PPP2R2C: variants seen among roughly 807,000 people sequenced by gnomAD.
PPP2R2C encodes protein phosphatase 2, regulatory subunit B, gamma.
A neutral mutation model predicts 45.3 loss-of-function variants in PPP2R2C; 10 were observed. That is an observed-to-expected ratio of 0.22 (90% CI 0.14 to 0.37). PPP2R2C has a LOEUF of 0.37. PPP2R2C is among the 10% of genes least tolerant of loss of function. The pLI is 1.00. For synonymous variants in PPP2R2C, 257 were observed against 245.4 expected (o/e 1.05, Z -0.44); for missense variants, 308 against 619.7 (o/e 0.50, Z 5.34).
intron 1 of PPP2R2C, among the ~76,000 whole-genome samples, chr4:6,541,702 C>T (rs1000872498): frequency 7.9e-5 from 12 of 152,170 alleles, no homozygotes; most frequent in African/African-American, 1.9e-4. Flanking sequence ...CCTGCCATCA[C>T]GCTCAGCTAA....
At chr4:6,562,068 C>T (rs927067278) in intron 1 of PPP2R2C, among the ~76,000 whole-genome samples, 4 of 152,138 alleles carry the variant, frequency 2.6e-5, no homozygotes, top group East Asian at 1.9e-4. Flanking sequence ...CCCAGGTGGG[C>T]GGAAACCCTC....
intron 2 of PPP2R2C, among the ~76,000 whole-genome samples, chr4:6,487,107 A>C (rs543698431): frequency 6.6e-6 from 1 of 152,184 alleles, no homozygotes; most frequent in Admixed American, 6.5e-5. Flanking sequence ...ATAGATTAAG[A>C]TACTTATACT....
chr4:6,388,738 G>A (rs1415935425), intron 1 of PPP2R2C, among the ~76,000 whole-genome samples: 1 of 152,150 alleles, frequency 6.6e-6, no homozygotes, highest in African/African-American at 2.4e-5. Context: ...AGAAGCTGGT[G>A]GGGAGGCCTG....
intron 2 of PPP2R2C, among the ~76,000 whole-genome samples, chr4:6,490,274 C>A (rs974750629): frequency 3.3e-5 from 5 of 152,216 alleles, no homozygotes; most frequent in Non-Finnish European, 5.9e-5. Flanking sequence ...TATAAAGGGA[C>A]TGCAGGGAAT....
In PPP2R2C at chr4:6,424,656, G is replaced by A. The variant is rs148812595; in HGVS notation, c.71-43562C>T. On this transcript the variant is annotated intron_variant, in intron 1 of 8. Transcript: ENST00000382599. ...GCGGCTGTGGTGTGCCTGCTGAACAGCTGCTGGGGTTTGACAAAGTGAGGG... is the reference window on the plus strand; with the variant it reads ...GCGGCTGTGGTGTGCCTGCTGAACAACTGCTGGGGTTTGACAAAGTGAGGG... 4.1e-3 allele frequency among the ~76,000 whole-genome samples: 623 copies of A among 152,320 alleles called. 3 individuals are homozygous for A. The highest frequency in any genetic ancestry group is 0.014 in the African/African-American group (586 of 41,564).
chr4:6,413,931 C>G (rs974106989), intron 1 of PPP2R2C: 5 of 1,535,996 alleles, frequency 3.3e-6, no homozygotes, highest in Non-Finnish European at 3.5e-6. Flanking sequence ...TCAGCGTCTT[C>G]GTTATACTCA....
chr4:6,472,381 C>T lies in PPP2R2C; in HGVS notation c.-152G>A. 8 of 753,160 alleles carry T rather than the reference C, an allele frequency of 1.1e-5. No homozygotes were observed. The highest frequency in any genetic ancestry group is 1.3e-5 in the Non-Finnish European group (8 of 615,476). 46.7% of individuals were successfully genotyped at this position (753,160 alleles called of 1,614,324 possible). The stretch of plus-strand genomic sequence containing the variant: ...AAGGGAGGGCATCGCGGCAGGGGGA[C>T]GGGCGGGGGCGGCCGGGGGCGGGCG... On this transcript the variant is annotated 5_prime_UTR_variant, in exon 1 of 9. Transcript: ENST00000382599.
At chr4:6,418,034 G>T (rs927511665) in intron 1 of PPP2R2C, among the ~76,000 whole-genome samples, 3 of 152,172 alleles carry the variant, frequency 2.0e-5, no homozygotes, top group African/African-American at 7.2e-5. Flanking sequence ...ACTGGGTTGG[G>T]GTCCTCATTC....
intron 1 of PPP2R2C, among the ~76,000 whole-genome samples, chr4:6,542,923 A>T (rs1577249504): frequency 6.6e-6 from 1 of 152,362 alleles, no homozygotes; most frequent in Admixed American, 6.5e-5. Context: ...ATATATTAGA[A>T]GGACAAAATT....
At position 6,534,163 on chromosome 4, in the gene PPP2R2C, CACACACACATCA is replaced by C. The variant is rs375894980; in HGVS notation, c.49+1096_49+1107del. Among the ~76,000 whole-genome samples, 625 of 150,294 alleles carry C rather than the reference CACACACACATCA, an allele frequency of 4.2e-3. 3 individuals are homozygous for C. Among genetic ancestry groups the C allele is most frequent in the Middle Eastern group, 0.018 (5 of 276 alleles). On this transcript the variant is annotated intron_variant, in intron 2 of 9. Transcript: ENST00000506140. ...ACACACACCAACATACACACACCAA[CACACACACATCA>C]ACACACACATCAACACATACAACAC...
At chr4:6,417,635 A>G (rs1718681427) in intron 1 of PPP2R2C, among the ~76,000 whole-genome samples, 2 of 152,154 alleles carry the variant, frequency 1.3e-5, no homozygotes, top group South Asian at 4.1e-4. Flanking sequence ...TCTCCTGCTG[A>G]GGCTTTCGGG....
intron 2 of PPP2R2C, among the ~76,000 whole-genome samples, chr4:6,531,189 C>T (rs1364692085): frequency 6.6e-6 from 1 of 152,228 alleles, no homozygotes; most frequent in Non-Finnish European, 1.5e-5. Flanking sequence ...CACCGCTCTC[C>T]AGGGCAGTGT....
chr4:6,419,774 G>C (rs1718845540), intron 1 of PPP2R2C, among the ~76,000 whole-genome samples: 1 of 152,156 alleles, frequency 6.6e-6, no homozygotes, highest in South Asian at 2.1e-4. Flanking sequence ...AGCTCTGAGG[G>C]AGGAGCCGCT....
At chr4:6,531,587 T>TA (rs1724404710) in intron 2 of PPP2R2C, among the ~76,000 whole-genome samples, 2 of 151,210 alleles carry the variant, frequency 1.3e-5, no homozygotes, top group Admixed American at 6.6e-5. Flanking sequence ...GGCTAACACT[T>TA]ATGGAGCACC....
chr4:6,329,830 G>A lies in PPP2R2C; in HGVS notation c.961-477C>T, dbSNP rs1732265909. On this transcript the variant is annotated intron_variant, in intron 7 of 8. Transcript: ENST00000382599. The surrounding 1 kb of genome is among the most constrained non-coding windows in gnomAD (Gnocchi z 5.8). ...TCCAGATCCTGGCTCTGCCCTCCCAGCTGTGTGATCTTGGACAAGTGATTT... is the reference window on the plus strand; with the variant it reads ...TCCAGATCCTGGCTCTGCCCTCCCAACTGTGTGATCTTGGACAAGTGATTT... Among the ~76,000 whole-genome samples the A allele has an allele frequency of 6.6e-6, 1 of 152,232 alleles. No homozygotes were observed. The highest frequency in any genetic ancestry group is 6.5e-5 in the Admixed American group (1 of 15,288).
At chr4:6,537,549 TTG>T (rs1338517230) in intron 1 of PPP2R2C, among the ~76,000 whole-genome samples, 10 of 144,614 alleles carry the variant, frequency 6.9e-5, no homozygotes, top group African/African-American at 2.3e-4. Flanking sequence ...TGAAGATTTT[TTG>T]TTTTTTTTTT....
rs1165146712 is a variant in PPP2R2C, at chr4:6,401,358, T to C, written c.71-20264A>G. Among the ~76,000 whole-genome samples, 5 of 152,260 alleles carry C rather than the reference T, an allele frequency of 3.3e-5. No individual in the cohort carries two copies. The East Asian group carries it at 9.7e-4, about 29-fold the overall frequency. ...GTATTGTCAGGAACCGTCTTTGGAC[T>C]GCCTCCTTCACTTCTACATTTATTT... On this transcript the variant is annotated intron_variant, in intron 1 of 8. Transcript: ENST00000382599.
intron 3 of PPP2R2C, among the ~76,000 whole-genome samples, chr4:6,377,370 T>A (rs937327934): frequency 2.6e-5 from 4 of 152,100 alleles, no homozygotes; most frequent in Non-Finnish European, 5.9e-5. Context: ...TCCAGGTGTG[T>A]CCTGGCTGGG....
At chr4:6,497,449 G>A (rs1043160007) in intron 2 of PPP2R2C, among the ~76,000 whole-genome samples, 9 of 151,928 alleles carry the variant, frequency 5.9e-5, no homozygotes, top group African/African-American at 1.9e-4. Context: ...CGGTGGTGCT[G>A]GGAGATTGTT....
Sources: allele counts gnomAD v4.1 joint callset (sites outside exome capture counted in the v4.1 genomes callset), GRCh38; gene constraint gnomAD v4.1.1; non-coding constraint Gnocchi (gnomAD v3.1); transcripts MANE v1.5; gene names NCBI Gene and HGNC (gene_info 2026-07-23, HGNC 2026-07-21).